SCFD1: variants seen among roughly 807,000 people sequenced by gnomAD.
SCFD1 encodes sec1 family domain-containing protein 1.
A neutral mutation model predicts 103.2 loss-of-function variants in SCFD1; 37 were observed. The observed-to-expected ratio is 0.36, with a 90% CI of 0.28 to 0.47. SCFD1 has a LOEUF of 0.47. Ranked by LOEUF, SCFD1 falls within the 20% of genes least tolerant of loss-of-function variation. The pLI, the probability that SCFD1 is intolerant of heterozygous loss-of-function variation, is 1.00. For missense variants in SCFD1, 639 were observed against 761.2 expected, an observed-to-expected ratio of 0.84 and a Z score of 1.89; for synonymous variants, 264 against 245.0, an observed-to-expected ratio of 1.08 and a Z score of -0.73.
chr14:30,716,741 A>G (rs1194710667), intron 20 of SCFD1, among the ~76,000 whole-genome samples: 1 of 152,266 alleles, frequency 6.6e-6, no homozygotes, highest in Non-Finnish European at 1.5e-5. Context: ...CAGTGTCTTC[A>G]GATGAGTGTC....
intron 14 of SCFD1, among the ~76,000 whole-genome samples, chr14:30,694,073 A>G (rs1877047090): frequency 1.3e-5 from 2 of 152,188 alleles, no homozygotes. Flanking sequence ...TTAAAAAAAC[A>G]AAAAGGACAA....
chr14:30,673,043 A>G (rs964300845), intron 11 of SCFD1, among the ~76,000 whole-genome samples: 1 of 152,186 alleles, frequency 6.6e-6, no homozygotes, highest in Non-Finnish European at 1.5e-5. Flanking sequence ...GATGTATATT[A>G]TATGCATTTT....
Position 30,632,046 on chromosome 14 carries a change from GAAAAA to G in SCFD1, c.221+1502_221+1506del, listed in dbSNP as rs61645782. Among the ~76,000 whole-genome samples the G allele has an allele frequency of 6.9e-3, 482 of 70,270 alleles. 4 individuals carry two copies. The highest frequency in any genetic ancestry group is 0.025 in the African/African-American group (444 of 17,954). 46.1% of individuals were successfully genotyped at this position (70,270 alleles called of 152,430 possible). The stretch of plus-strand genomic sequence containing the variant: ...CTGGGCAGCAGAGCAAGATTCTGTT[GAAAAA>G]AAAAAAAAAAAAAAAAAAAAGAACG... On this transcript the variant is annotated intron_variant, in intron 3 of 24. Transcript: ENST00000458591.
At chr14:30,643,897 G>T (rs1460098081) in intron 7 of SCFD1, 1 of 453,808 alleles carries the variant, frequency 2.2e-6, no homozygotes, top group Non-Finnish European at 4.4e-6. Context: ...GGATACATGT[G>T]CAAGTTTGTT....
At chr14:30,722,444 T>C in intron 22 of SCFD1, 50 bp from the exon 23 acceptor site, 3 of 1,369,544 alleles carry the variant, frequency 2.2e-6, no homozygotes, top group Non-Finnish European at 3.0e-6. Flanking sequence ...TTAGAAGAGG[T>C]TTCAGACTAA....
At chr14:30,647,578 T>C (rs1263247990) in intron 7 of SCFD1, among the ~76,000 whole-genome samples, 1 of 152,202 alleles carries the variant, frequency 6.6e-6, no homozygotes, top group East Asian at 1.9e-4. Context: ...ACTGCTTTCA[T>C]TGCCCTCATA....
At chr14:30,713,478 G>A (rs543765973) in intron 19 of SCFD1, among the ~76,000 whole-genome samples, 1 of 152,098 alleles carries the variant, frequency 6.6e-6, no homozygotes, top group South Asian at 2.1e-4. Flanking sequence ...TTTTTCTCAT[G>A]TTACTTAATG....
intron 19 of SCFD1, among the ~76,000 whole-genome samples, chr14:30,714,671 G>GA (rs1248829900): frequency 6.6e-6 from 1 of 151,952 alleles, no homozygotes. Flanking sequence ...TATCAAAATG[G>GA]AAAATCCTTA....
At chr14:30,642,908 A>G (rs1885428018) in intron 6 of SCFD1, among the ~76,000 whole-genome samples, 1 of 152,186 alleles carries the variant, frequency 6.6e-6, no homozygotes, top group Non-Finnish European at 1.5e-5. Context: ...GTGGTGGCTC[A>G]TGCCTATAAT....
chr14:30,683,853 G>A (rs1022998611), intron 14 of SCFD1, among the ~76,000 whole-genome samples: 8 of 152,100 alleles, frequency 5.3e-5, no homozygotes, highest in African/African-American at 1.7e-4. Context: ...TTCCCTTCTT[G>A]TCTTTCTTTT....
chr14:30,657,991 A>G (rs1887070378), intron 10 of SCFD1: 3 of 413,518 alleles, frequency 7.3e-6, no homozygotes, highest in Admixed American at 6.1e-5. Flanking sequence ...AGAAAAAGCA[A>G]CTTTGCAGTG....
chr14:30,675,306 A>G (rs1888937417), intron 14 of SCFD1: 3 of 310,596 alleles, frequency 9.7e-6, no homozygotes, highest in Admixed American at 5.0e-5. Flanking sequence ...TGATATTTCT[A>G]TTATATTGCA....
intron 9 of SCFD1, among the ~76,000 whole-genome samples, chr14:30,651,894 G>T (rs1017522640): frequency 1.3e-5 from 2 of 152,174 alleles, no homozygotes; most frequent in Non-Finnish European, 2.9e-5. Context: ...ATGTTTGGTT[G>T]TCATAACTGG....
chr14:30,657,367 C>A (rs974101384), intron 10 of SCFD1, among the ~76,000 whole-genome samples: 2 of 152,272 alleles, frequency 1.3e-5, no homozygotes, highest in East Asian at 1.9e-4. Flanking sequence ...AAGGATAATA[C>A]TGGTCCTTGA....
chr14:30,717,949 TTC>T (rs776611878), intron 20 of SCFD1, among the ~76,000 whole-genome samples: 4 of 152,100 alleles, frequency 2.6e-5, no homozygotes, highest in Non-Finnish European at 5.9e-5. Context: ...CATTAGAACT[TTC>T]TGAGAAAAGT....
chr14:30,713,964 T>C (rs556163892), intron 19 of SCFD1, among the ~76,000 whole-genome samples: 19 of 152,308 alleles, frequency 1.2e-4, no homozygotes, highest in Middle Eastern at 6.8e-3. Context: ...TAAAGCACAT[T>C]TAAATCTGCA....
rs145882601 is a variant in SCFD1 at position 30,719,845 on chromosome 14, T to C, written c.1736+468T>C. ...CATTCTATAAATAAATTCTGCATTTTATCACAGACATTGGATGGTAAGATA... is the reference window on the plus strand; with the variant it reads ...CATTCTATAAATAAATTCTGCATTTCATCACAGACATTGGATGGTAAGATA... On this transcript the variant is annotated intron_variant, in intron 21 of 24. Transcript: ENST00000458591. Among the ~76,000 whole-genome samples the C allele has an allele frequency of 3.7e-3, 557 of 152,108 alleles. 5 individuals are homozygous for C. Among genetic ancestry groups the C allele is most frequent in the African/African-American group, 0.013 (524 of 41,502 alleles).
chr14:30,681,002 G>A (rs1375043340), intron 14 of SCFD1, among the ~76,000 whole-genome samples: 1 of 152,198 alleles, frequency 6.6e-6, no homozygotes, highest in Admixed American at 6.5e-5. Context: ...GGAGGCCAAG[G>A]CAGGCAGATC....
In SCFD1 at chr14:30,735,000, T is replaced by C. The variant is rs533069350; in HGVS notation, c.1905+142T>C. The C allele has an allele frequency of 8.2e-6, 5 of 610,726 alleles. No individual in the cohort carries two copies. The East Asian group carries it at 8.4e-5, about 10-fold the overall frequency. The allele number at this position is 610,726 out of a possible 1,614,324, so 37.8% of individuals were successfully genotyped here. On this transcript the variant is annotated intron_variant, in intron 24 of 24. Transcript: ENST00000458591. ...CCAGCTATACCAAGATAAGGTGTTTTCATGGACGACTAAGAAAACCTTGAT... is the reference window on the plus strand; with the variant it reads ...CCAGCTATACCAAGATAAGGTGTTTCCATGGACGACTAAGAAAACCTTGAT...
Sources: allele counts gnomAD v4.1 joint callset (sites outside exome capture counted in the v4.1 genomes callset), GRCh38; gene constraint gnomAD v4.1.1; transcripts MANE v1.5; gene names NCBI Gene and HGNC (gene_info 2026-07-23, HGNC 2026-07-21).